The following OR4F3 variants were observed in gnomAD, a reference collection of about 807,000 sequenced individuals.
The protein encoded by OR4F3 is olfactory receptor family 4 subfamily F member 3.
upstream of OR4F3, among the ~76,000 whole-genome samples, chr5:181,363,595 C>T (rs868837847): frequency 3.3e-3 from 293 of 88,560 alleles, no homozygotes; most frequent in Middle Eastern, 0.016. Flanking sequence ...TCTACTGTGA[C>T]CTTCAGTAGC....
the OR4F3 span, among the ~76,000 whole-genome samples, chr5:181,359,620 G>A: frequency 2.7e-3 from 322 of 120,832 alleles, 2 homozygotes; most frequent in Middle Eastern, 0.013. Flanking sequence ...TGGCTATCCC[G>A]GGAAAACCAA....
upstream of OR4F3, among the ~76,000 whole-genome samples, chr5:181,362,476 C>G (rs1761078007): frequency 1.6e-5 from 2 of 124,178 alleles, 1 homozygote; most frequent in African/African-American, 7.8e-5. Context: ...GACAAAACTT[C>G]TTCCTGCATT....
the OR4F3 span, among the ~76,000 whole-genome samples, chr5:181,359,180 T>G: frequency 5.6e-4 from 72 of 129,130 alleles, 6 homozygotes; most frequent in South Asian, 1.0e-3. Context: ...CATATATGGC[T>G]TAACCTTTTA....
chr5:181,359,948 TCTC>T, the OR4F3 span, among the ~76,000 whole-genome samples: 1 of 53,714 alleles, frequency 1.9e-5, no homozygotes, highest in African/African-American at 1.0e-4. Flanking sequence ...TGAATTACAT[TCTC>T]CTCAGTTGGG....
At chr5:181,362,364 G>T (rs555465678), upstream of OR4F3, among the ~76,000 whole-genome samples, 1 of 115,984 alleles carries the variant, frequency 8.6e-6, no homozygotes, top group Admixed American at 7.6e-5. Flanking sequence ...TATCTGAAGT[G>T]GTCATAAAAG....
chr5:181,356,603 A>G, the OR4F3 span, among the ~76,000 whole-genome samples: 1 of 135,052 alleles, frequency 7.4e-6, no homozygotes, highest in Non-Finnish European at 1.6e-5. Context: ...CTCGCGGAGC[A>G]GATTGTTCCC....
the OR4F3 span, among the ~76,000 whole-genome samples, chr5:181,354,480 G>A: frequency 1.2e-4 from 16 of 132,986 alleles, 3 homozygotes; most frequent in Non-Finnish European, 2.6e-4. Flanking sequence ...TGCTGCAGGG[G>A]TGGTCTTCAT....
upstream of OR4F3, among the ~76,000 whole-genome samples, chr5:181,363,927 G>A (rs551212990): frequency 0.01 from 734 of 71,278 alleles, 25 homozygotes; most frequent in East Asian, 0.021. Context: ...AAATGAGTGT[G>A]TTAAAGGTGA....
the OR4F3 span, among the ~76,000 whole-genome samples, chr5:181,359,219 ATTTG>A: frequency 1.2e-4 from 14 of 117,266 alleles, 1 homozygote; most frequent in Admixed American, 7.3e-4. Context: ...ATAATAAATA[ATTTG>A]TTTGAGATTA....
At chr5:181,358,599 G>A in the OR4F3 span, among the ~76,000 whole-genome samples, 3 of 77,686 alleles carry the variant, frequency 3.9e-5, no homozygotes, top group African/African-American at 6.2e-5. Context: ...CACCACACAC[G>A]TGTCCTAATT....
chr5:181,362,302 G>A (rs373674980), upstream of OR4F3, among the ~76,000 whole-genome samples: 376 of 106,446 alleles, frequency 3.5e-3, 1 homozygote, highest in African/African-American at 0.017. Context: ...CTGTCTACAA[G>A]TTTACCTTCC....
At chr5:181,359,102 A>G in the OR4F3 span, among the ~76,000 whole-genome samples, 1 of 126,188 alleles carries the variant, frequency 7.9e-6, no homozygotes, top group Non-Finnish European at 1.6e-5. Context: ...TAACATTGTG[A>G]CTTTTCTATA....
At chr5:181,363,829 C>T (rs1761091531), upstream of OR4F3, among the ~76,000 whole-genome samples, 2 of 88,442 alleles carry the variant, frequency 2.3e-5, 1 homozygote, top group Non-Finnish European at 4.1e-5. Context: ...CAAAGAAACT[C>T]TGTGAGTCCA....
the OR4F3 span, among the ~76,000 whole-genome samples, chr5:181,359,500 A>T: frequency 5.7e-5 from 6 of 105,932 alleles, 1 homozygote; most frequent in Admixed American, 4.7e-4. Flanking sequence ...ATTCACCTTT[A>T]GTCATAAAAT....
chr5:181,357,027 G>A, the OR4F3 span, among the ~76,000 whole-genome samples: 1 of 134,486 alleles, frequency 7.4e-6, no homozygotes, highest in Non-Finnish European at 1.6e-5. Flanking sequence ...GTTATGTGCT[G>A]TATAAATTAT....
At chr5:181,356,612 C>T in the OR4F3 span, among the ~76,000 whole-genome samples, 2 of 135,406 alleles carry the variant, frequency 1.5e-5, no homozygotes, top group East Asian at 2.0e-4. Context: ...CAGATTGTTC[C>T]CCCTGCAGGA....
At chr5:181,363,847 G>A (rs1326759244), upstream of OR4F3, among the ~76,000 whole-genome samples, 1 of 87,180 alleles carries the variant, frequency 1.1e-5, no homozygotes. Context: ...CCAAAAGGGC[G>A]ATAATAGAAG....
At chr5:181,354,530 G>A in the OR4F3 span, among the ~76,000 whole-genome samples, 1 of 130,388 alleles carries the variant, frequency 7.7e-6, no homozygotes, top group African/African-American at 3.3e-5. Context: ...GGAAATGTGG[G>A]GTTGAAGCCC....
At chr5:181,354,432 A>G in the OR4F3 span, among the ~76,000 whole-genome samples, 1 of 131,284 alleles carries the variant, frequency 7.6e-6, no homozygotes, top group East Asian at 2.0e-4. Context: ...TAGATTTCAG[A>G]GAATGTATGG....
Sources: gnomAD v4.1 joint callset for allele counts (sites outside exome capture counted in the v4.1 genomes callset) on GRCh38, gnomAD v4.1.1 for gene constraint, MANE v1.5 for transcripts, NCBI Gene and HGNC (gene_info 2026-07-23, HGNC 2026-07-21) for gene names.